CLIP2: variants seen among roughly 807,000 people sequenced by gnomAD.
The protein encoded by CLIP2 is CAP-Gly domain-containing linker protein 2.
Under a neutral mutation model 111.7 loss-of-function variants are expected in CLIP2, and 41 were observed. The ratio of observed to expected loss-of-function variants is 0.37; its 90% CI spans 0.29 to 0.48. The LOEUF is 0.48. Ranked by LOEUF, CLIP2 falls within the 20% of genes least tolerant of loss-of-function variation. CLIP2 has a pLI of 0.99. For missense variants in CLIP2, 1,160 were observed against 1,422.1 expected (o/e 0.82, Z 2.96); for synonymous variants, 660 against 644.2 (o/e 1.02, Z -0.37).
At chr7:74,291,405 A>G (rs797042654) in intron 1 of CLIP2, among the ~76,000 whole-genome samples, 5 of 152,230 alleles carry the variant, frequency 3.3e-5, no homozygotes, top group African/African-American at 1.2e-4. Flanking sequence ...TCTGCTGTCT[A>G]CCTTGGCGGT....
chr7:74,385,573 C>G (rs1554314638), intron 11 of CLIP2, among the ~76,000 whole-genome samples: 3 of 151,744 alleles, frequency 2.0e-5, no homozygotes. Flanking sequence ...TACTTGGCAT[C>G]CATTCTGTCC....
chr7:74,369,145 G>T (rs1562714182), intron 8 of CLIP2, among the ~76,000 whole-genome samples: 1 of 152,208 alleles, frequency 6.6e-6, no homozygotes, highest in Non-Finnish European at 1.5e-5. Flanking sequence ...GAGGTCAGGA[G>T]ATTCAGACCA....
chr7:74,325,535 T>C (rs146711452), intron 2 of CLIP2, among the ~76,000 whole-genome samples: 1,750 of 152,160 alleles, frequency 0.012, 36 homozygotes, highest in African/African-American at 0.039. Context: ...GAACAGAGGC[T>C]GCAAAGGCCC....
At chr7:74,377,221 C>A (rs1419837953) in intron 10 of CLIP2, among the ~76,000 whole-genome samples, 1 of 152,114 alleles carries the variant, frequency 6.6e-6, no homozygotes, top group Admixed American at 6.5e-5. Context: ...TCTGCCTATC[C>A]CCCTGGGGGC....
In CLIP2 at chr7:74,338,010, C is replaced by G. The variant is rs997310546; in HGVS notation, c.122-438C>G. 1.3e-5 allele frequency among the ~76,000 whole-genome samples: 2 copies of G among 152,054 alleles called. No homozygotes were observed. Among genetic ancestry groups the G allele is most frequent in the East Asian group, 3.9e-4 (2 of 5,182 alleles). ...ACCACACAGCCAACCATTCCTGCCTCGGTTTCCATGGCAAGACCATGTCTC... is the reference window on the plus strand; with the variant it reads ...ACCACACAGCCAACCATTCCTGCCTGGGTTTCCATGGCAAGACCATGTCTC... On this transcript the variant is annotated intron_variant, in intron 2 of 16. Transcript: ENST00000223398. The surrounding 1 kb of genome is among the most constrained non-coding windows in gnomAD (Gnocchi z 4.3).
chr7:74,351,096 GGGAAGGGAA>G (rs1789981477), intron 3 of CLIP2, among the ~76,000 whole-genome samples: 1 of 144,818 alleles, frequency 6.9e-6, no homozygotes. Context: ...AAAGAAGGAA[GGGAAGGGAA>G]GGAAGGGAAG....
At chr7:74,385,280 G>A (rs1791054633) in intron 11 of CLIP2, among the ~76,000 whole-genome samples, 1 of 151,542 alleles carries the variant, frequency 6.6e-6, no homozygotes, top group Non-Finnish European at 1.5e-5. Flanking sequence ...GGGTGACAGA[G>A]CGAGACTCTG....
intron 3 of CLIP2, among the ~76,000 whole-genome samples, chr7:74,339,952 G>A (rs1461584050): frequency 6.6e-6 from 1 of 152,052 alleles, no homozygotes; most frequent in African/African-American, 2.4e-5. Context: ...AAATTAGCCA[G>A]GCATGGTGGC....
In CLIP2 at chr7:74,320,828, G is replaced by A. The variant is rs111463779; in HGVS notation, c.121+3161G>A. Among the ~76,000 whole-genome samples, 756 of 152,226 alleles carry A rather than the reference G, an allele frequency of 5.0e-3. 7 individuals are homozygous for A. Among genetic ancestry groups the A allele is most frequent in the African/African-American group, 0.018 (729 of 41,528 alleles). Reference sequence around the variant, plus strand: ...AGGAGGAAGGATCTGCAGACAGTGGGGGAAGGTCGTGAGTCAAGGCACCCA... The same window carrying A: ...AGGAGGAAGGATCTGCAGACAGTGGAGGAAGGTCGTGAGTCAAGGCACCCA... On this transcript the variant is annotated intron_variant, in intron 2 of 16. Coordinates refer to ENST00000223398, the MANE Select transcript of CLIP2 (RefSeq NM_003388.5).
intron 6 of CLIP2, among the ~76,000 whole-genome samples, 196 bp downstream of exon 6, chr7:74,357,673 A>G (rs1790187593): frequency 6.6e-6 from 1 of 152,144 alleles, no homozygotes; most frequent in Non-Finnish European, 1.5e-5. Context: ...GCCTATGTAT[A>G]AGGATACATA....
At chr7:74,304,356 A>T (rs1201761405) in intron 1 of CLIP2, among the ~76,000 whole-genome samples, 2 of 151,046 alleles carry the variant, frequency 1.3e-5, no homozygotes, top group Admixed American at 1.3e-4. Context: ...GTGAAACCTC[A>T]TCTCTACAAA....
chr7:74,333,562 G>T (rs1234314607), intron 2 of CLIP2, among the ~76,000 whole-genome samples: 1 of 151,824 alleles, frequency 6.6e-6, no homozygotes, highest in African/African-American at 2.4e-5. Flanking sequence ...GCTCACTGCA[G>T]CCTCCACTCC....
At chr7:74,367,392 G>A (rs1319006797) in intron 8 of CLIP2, among the ~76,000 whole-genome samples, 12 of 152,118 alleles carry the variant, frequency 7.9e-5, no homozygotes, top group Middle Eastern at 6.8e-3. Context: ...AGGTTTCACC[G>A]TGTTAGCCAG....
intron 1 of CLIP2, among the ~76,000 whole-genome samples, chr7:74,308,042 G>C (rs528193464): frequency 5.8e-4 from 88 of 152,282 alleles, no homozygotes; most frequent in Non-Finnish European, 1.1e-3. Flanking sequence ...GACGAAGACA[G>C]ACAAGAACAG....
Position 74,376,082 on chromosome 7 carries a change from G to A in CLIP2, c.1681G>A (p.Gly561Arg). 1 of 1,612,410 alleles carries A rather than the reference G, an allele frequency of 6.2e-7. No homozygotes were observed. The highest frequency in any genetic ancestry group is 8.5e-7 in the Non-Finnish European group (1 of 1,179,648). Reference sequence around the variant, plus strand: ...CAGCAAGGAACACCAGAGGGAGAGTGGGGTGCTGCGGGATAAATACGAGAA... The same window carrying A: ...CAGCAAGGAACACCAGAGGGAGAGTAGGGTGCTGCGGGATAAATACGAGAA... The part of the protein sequence containing the change: ...SASKEHQRES[G>R]VLRDKYEKAL... The change falls in exon 10 of 17, where the codon GGG becomes AGG. Residue 561 changes from glycine (G) to arginine (R), a missense_variant. Gly to Arg is a moderately radical substitution (Grantham distance 125). Around this residue, in one of 5 missense-constraint regions of CLIP2, gnomAD observed 676 missense variants for 777.8 expected, o/e 0.87. Transcript: ENST00000223398. This position sits in a 1 kb window ranked among gnomAD's most constrained non-coding sequence, Gnocchi z 7.1.
chr7:74,342,896 G>A (rs1417209532), intron 3 of CLIP2, among the ~76,000 whole-genome samples: 1 of 152,032 alleles, frequency 6.6e-6, no homozygotes, highest in African/African-American at 2.4e-5. Context: ...TTAGCCGGGT[G>A]CAGTGGCGGG....
At chr7:74,388,418 G>A (rs1554315215) in intron 12 of CLIP2, among the ~76,000 whole-genome samples, 1 of 149,332 alleles carries the variant, frequency 6.7e-6, no homozygotes, top group East Asian at 2.0e-4. Context: ...GAGAATTGCT[G>A]CAACCTGGGA....
intron 3 of CLIP2, among the ~76,000 whole-genome samples, chr7:74,344,776 G>C (rs1454052493): frequency 6.6e-6 from 1 of 152,134 alleles, no homozygotes; most frequent in Non-Finnish European, 1.5e-5. Flanking sequence ...ATCCAAGACT[G>C]ATTGTGTAGA....
chr7:74,366,651 C>T (rs782426892), intron 8 of CLIP2, among the ~76,000 whole-genome samples: 4 of 152,208 alleles, frequency 2.6e-5, no homozygotes, highest in African/African-American at 7.2e-5. Context: ...GCCAAAGCGG[C>T]GGATCACTTG....
Sources: allele counts gnomAD v4.1 joint callset (sites outside exome capture counted in the v4.1 genomes callset), GRCh38; gene constraint gnomAD v4.1.1; regional missense constraint gnomAD v4.1.1; non-coding constraint Gnocchi (gnomAD v3.1); transcripts MANE v1.5; gene names NCBI Gene and HGNC (gene_info 2026-07-23, HGNC 2026-07-21).